Variants in TMEM17 observed in about 807,000 individuals in gnomAD.
TMEM17 encodes transmembrane protein 17.
TMEM17 carries 15 observed loss-of-function variants against 19.1 expected under a neutral mutation model. That is an observed-to-expected ratio of 0.78 (90% CI 0.52 to 1.21). TMEM17 has a LOEUF of 1.21. TMEM17 is among the 50% of genes most tolerant of loss of function. The pLI is 0.00. For missense variants in TMEM17, 245 were observed against 242.3 expected (o/e 1.01, Z -0.07); for synonymous variants, 103 against 86.9 (o/e 1.19, Z -1.03).
chr2:62,489,875 T>C, the TMEM17 span, among the ~76,000 whole-genome samples: 1 of 152,196 alleles, frequency 6.6e-6, no homozygotes, highest in Non-Finnish European at 1.5e-5. Context: ...TTTACACATA[T>C]TAAATCAACA....
chr2:62,491,881 G>A, the TMEM17 span, among the ~76,000 whole-genome samples: 4 of 145,544 alleles, frequency 2.7e-5, no homozygotes, highest in African/African-American at 1.0e-4. Context: ...AATGACTGAG[G>A]ATAATGCTCT....
the TMEM17 span, among the ~76,000 whole-genome samples, chr2:62,481,870 C>T: frequency 1.3e-5 from 2 of 152,090 alleles, no homozygotes; most frequent in African/African-American, 2.4e-5. Context: ...AGAAAAAGGA[C>T]AAGCTGGAAC....
chr2:62,459,628 G>A, the TMEM17 span, among the ~76,000 whole-genome samples: 1 of 152,220 alleles, frequency 6.6e-6, no homozygotes, highest in Non-Finnish European at 1.5e-5. Context: ...CAAACAAACT[G>A]TAATACTTAA....
At chr2:62,481,010 T>C in the TMEM17 span, among the ~76,000 whole-genome samples, 2 of 152,212 alleles carry the variant, frequency 1.3e-5, no homozygotes, top group Admixed American at 1.3e-4. Context: ...TGGAGTAGTA[T>C]GGTCATTTTA....
At chr2:62,491,759 C>G in the TMEM17 span, among the ~76,000 whole-genome samples, 1 of 151,918 alleles carries the variant, frequency 6.6e-6, no homozygotes, top group African/African-American at 2.4e-5. Context: ...TCACAAGGAC[C>G]TACTTCAGCA....
chr2:62,486,414 C>T, the TMEM17 span, among the ~76,000 whole-genome samples: 1 of 152,196 alleles, frequency 6.6e-6, no homozygotes, highest in South Asian at 2.1e-4. Flanking sequence ...TAAAATCTGG[C>T]ATTTGCTCTG....
At chr2:62,454,225 A>T in the TMEM17 span, among the ~76,000 whole-genome samples, 10 of 152,174 alleles carry the variant, frequency 6.6e-5, no homozygotes, top group African/African-American at 2.4e-4. Flanking sequence ...GGATGGGATG[A>T]GGTGCAGGAC....
chr2:62,500,067 T>C (rs1679879699), downstream of TMEM17, among the ~76,000 whole-genome samples: 1 of 152,196 alleles, frequency 6.6e-6, no homozygotes, highest in South Asian at 2.1e-4. Context: ...AAGAACCTAG[T>C]AGATGCAATC....
At chr2:62,482,917 G>T in the TMEM17 span, among the ~76,000 whole-genome samples, 1 of 152,102 alleles carries the variant, frequency 6.6e-6, no homozygotes. Flanking sequence ...TAAACAAATT[G>T]GTATCAGAAG....
At chr2:62,502,003 G>A (rs545976123) in intron 3 of TMEM17, 1 of 164,106 alleles carries the variant, frequency 6.1e-6, no homozygotes, top group Non-Finnish European at 1.3e-5. Context: ...CTATACTCTG[G>A]TAACCACAAA....
the TMEM17 span, among the ~76,000 whole-genome samples, chr2:62,487,931 G>A: frequency 6.6e-6 from 1 of 152,224 alleles, no homozygotes; most frequent in Non-Finnish European, 1.5e-5. Context: ...CTGACCTGAG[G>A]TGATCCGCCT....
At chr2:62,497,827 A>T (rs1679811976), downstream of TMEM17, among the ~76,000 whole-genome samples, 1 of 152,232 alleles carries the variant, frequency 6.6e-6, no homozygotes, top group African/African-American at 2.4e-5. Flanking sequence ...AGTGCTAGGA[A>T]CAAAGAGGGA....
the TMEM17 span, among the ~76,000 whole-genome samples, chr2:62,480,600 G>A: frequency 6.6e-6 from 1 of 152,026 alleles, no homozygotes; most frequent in African/African-American, 2.4e-5. Context: ...GAGATGTAGG[G>A]GTCTAGTTTC....
chr2:62,458,083 G>A, the TMEM17 span, among the ~76,000 whole-genome samples: 1 of 152,212 alleles, frequency 6.6e-6, no homozygotes, highest in East Asian at 1.9e-4. Context: ...GGAGGCTAAT[G>A]ACACTTACTG....
the TMEM17 span, among the ~76,000 whole-genome samples, chr2:62,476,065 TCCCACTGGGGGCGGTCAG>T: frequency 0.042 from 6,376 of 152,276 alleles, 472 homozygotes; most frequent in African/African-American, 0.15. Context: ...CAAGCAGCCT[TCCCACTGGGGGCGGTCAG>T]CCCACTGATG....
the TMEM17 span, among the ~76,000 whole-genome samples, chr2:62,465,084 A>G: frequency 2.0e-5 from 3 of 152,182 alleles, no homozygotes; most frequent in African/African-American, 2.4e-5. Context: ...TCTAGTCCCC[A>G]GGCAGGGAGG....
At chr2:62,474,755 A>T in the TMEM17 span, among the ~76,000 whole-genome samples, 2 of 152,044 alleles carry the variant, frequency 1.3e-5, no homozygotes, top group East Asian at 1.9e-4. Context: ...CCCTAAACCC[A>T]TATCCCCAGT....
chr2:62,479,353 T>G, the TMEM17 span, among the ~76,000 whole-genome samples: 1 of 152,198 alleles, frequency 6.6e-6, no homozygotes. Flanking sequence ...GCTTATTCAC[T>G]AAACACAATG....
At chr2:62,457,688 C>G in the TMEM17 span, among the ~76,000 whole-genome samples, 1 of 152,156 alleles carries the variant, frequency 6.6e-6, no homozygotes, top group Non-Finnish European at 1.5e-5. The surrounding 1 kb of genome is among the most constrained non-coding windows in gnomAD (Gnocchi z 4.2). Context: ...CCTCAGCGTC[C>G]AGCACCTGTG....
Sources: gnomAD v4.1 joint callset for allele counts (sites outside exome capture counted in the v4.1 genomes callset) on GRCh38, gnomAD v4.1.1 for gene constraint, Gnocchi (gnomAD v3.1) non-coding constraint, MANE v1.5 for transcripts, NCBI Gene and HGNC (gene_info 2026-07-23, HGNC 2026-07-21) for gene names.